Variants in SLC24A2 observed in about 807,000 individuals in gnomAD.
SLC24A2 encodes the protein sodium/potassium/calcium exchanger 2.
Under a neutral mutation model 62.0 loss-of-function variants are expected in SLC24A2, and 36 were observed. The ratio of observed to expected loss-of-function variants is 0.58; its 90% CI spans 0.44 to 0.77. The LOEUF is 0.77. SLC24A2 is among the 30% of genes least tolerant of loss of function. The pLI, the probability that SLC24A2 is intolerant of heterozygous loss-of-function variation, is 0.00. For synonymous variants in SLC24A2, 358 were observed against 294.0 expected, an observed-to-expected ratio of 1.22 and a Z score of -2.23; for missense variants, 846 against 817.9, an observed-to-expected ratio of 1.03 and a Z score of -0.42.
At chr9:20,015,681 C>T in the SLC24A2 span, among the ~76,000 whole-genome samples, 13 of 152,236 alleles carry the variant, frequency 8.5e-5, no homozygotes, top group African/African-American at 2.7e-4. Flanking sequence ...TCGTTCCCCA[C>T]CCACTTTCTG....
chr9:20,234,168 T>C, the SLC24A2 span, among the ~76,000 whole-genome samples: 1 of 152,216 alleles, frequency 6.6e-6, no homozygotes, highest in African/African-American at 2.4e-5. Context: ...CATTTTTTCC[T>C]TCATTTCAAC....
intron 2 of SLC24A2, among the ~76,000 whole-genome samples, chr9:19,660,297 G>C (rs1819058843): frequency 6.6e-6 from 1 of 152,146 alleles, no homozygotes; most frequent in African/African-American, 2.4e-5. Flanking sequence ...GAAGGGGCGG[G>C]AGGCTCTAAG....
the SLC24A2 span, among the ~76,000 whole-genome samples, chr9:19,982,752 T>C: frequency 6.6e-6 from 1 of 152,158 alleles, no homozygotes; most frequent in Admixed American, 6.5e-5. Context: ...ATATCCCTTA[T>C]GATTATAGAA....
the SLC24A2 span, among the ~76,000 whole-genome samples, chr9:20,016,898 C>T: frequency 1.3e-5 from 2 of 152,144 alleles, no homozygotes; most frequent in African/African-American, 2.4e-5. Context: ...GTAATTTTTA[C>T]AATGAATATA....
rs1423903949 is a variant in SLC24A2, at chr9:19,510,027, T to C, written c.*6126A>G. On this transcript the variant is annotated 3_prime_UTR_variant, in exon 11 of 11. Transcript: ENST00000341998. ...TCATATTTAAAATAAAAATATTGAT[T>C]CCTCTTGATAAATTAGTGGGTAAGT... 2.6e-5 allele frequency: 4 copies of C among 152,188 alleles called. No homozygotes were observed. The highest frequency in any genetic ancestry group is 5.9e-5 in the Non-Finnish European group (4 of 68,030). The allele number at this position is 152,188 out of a possible 1,614,324, so 9.4% of individuals were successfully genotyped here. A position where few individuals can be genotyped will look rare whatever the true frequency, so the allele number is the denominator to read the frequency against.
the SLC24A2 span, among the ~76,000 whole-genome samples, chr9:19,833,980 T>C: frequency 0.79 from 119,565 of 152,178 alleles, 50,202 homozygotes; most frequent in Non-Finnish European, 0.94. Context: ...TGGAGTGGAC[T>C]GCCAGTAAAC....
intron 7 of SLC24A2, among the ~76,000 whole-genome samples, chr9:19,565,890 A>G (rs10120264): frequency 0.92 from 138,289 of 149,946 alleles, 63,920 homozygotes; most frequent in East Asian, 1. Flanking sequence ...AATAAATGGT[A>G]CTGGGAAAAC....
At chr9:20,076,015 A>G in the SLC24A2 span, among the ~76,000 whole-genome samples, 1 of 152,236 alleles carries the variant, frequency 6.6e-6, no homozygotes, top group African/African-American at 2.4e-5. Context: ...ATGCCATGTA[A>G]ATAGTTGTTA....
the SLC24A2 span, among the ~76,000 whole-genome samples, chr9:19,831,376 T>A: frequency 6.6e-6 from 1 of 152,182 alleles, no homozygotes. Flanking sequence ...TATAGCTCTT[T>A]TAAAATTCCC....
the SLC24A2 span, among the ~76,000 whole-genome samples, chr9:19,961,023 G>GGTGGGTGT: frequency 2.1e-5 from 3 of 141,618 alleles, no homozygotes; most frequent in Non-Finnish European, 3.1e-5. Flanking sequence ...TAGAGGGGTG[G>GGTGGGTGT]GTGTGTGTGT....
At chr9:19,871,993 G>A in the SLC24A2 span, among the ~76,000 whole-genome samples, 6 of 151,884 alleles carry the variant, frequency 4.0e-5, no homozygotes, top group African/African-American at 1.5e-4. Flanking sequence ...ATAGTCCTGT[G>A]GTTGTTATAT....
the SLC24A2 span, among the ~76,000 whole-genome samples, chr9:19,828,950 G>T: frequency 6.6e-6 from 1 of 152,106 alleles, no homozygotes; most frequent in African/African-American, 2.4e-5. Context: ...TCTCCCTCCA[G>T]ATCCCTAATG....
chr9:19,752,024 T>A (rs1462722313), intron 2 of SLC24A2, among the ~76,000 whole-genome samples: 1 of 152,170 alleles, frequency 6.6e-6, no homozygotes, highest in East Asian at 1.9e-4. Flanking sequence ...GAATGTACAA[T>A]GTGGTAGCCA....
At chr9:19,525,675 A>C (rs1220944995) in intron 9 of SLC24A2, among the ~76,000 whole-genome samples, 1 of 151,214 alleles carries the variant, frequency 6.6e-6, no homozygotes. Flanking sequence ...AAGTGCTGGG[A>C]CTACAGGCAT....
chr9:19,675,742 G>C (rs774639531), intron 2 of SLC24A2, among the ~76,000 whole-genome samples: 2 of 152,090 alleles, frequency 1.3e-5, no homozygotes, highest in Non-Finnish European at 2.9e-5. Flanking sequence ...TCAGCCAGCC[G>C]GTGAGCAGGG....
chr9:20,061,748 G>C, the SLC24A2 span, among the ~76,000 whole-genome samples: 1 of 152,118 alleles, frequency 6.6e-6, no homozygotes, highest in African/African-American at 2.4e-5. Flanking sequence ...AGAAAATACA[G>C]GAGAAGATTT....
the SLC24A2 span, among the ~76,000 whole-genome samples, chr9:20,123,431 A>T: frequency 6.6e-6 from 1 of 152,226 alleles, no homozygotes; most frequent in Non-Finnish European, 1.5e-5. Flanking sequence ...CTACTTTTCA[A>T]ATGACAAAGC....
At chr9:20,286,966 A>G in the SLC24A2 span, among the ~76,000 whole-genome samples, 1 of 152,210 alleles carries the variant, frequency 6.6e-6, no homozygotes, top group Non-Finnish European at 1.5e-5. Context: ...TTTGCTTCAG[A>G]AACACTAAAG....
At chr9:20,253,932 G>C in the SLC24A2 span, among the ~76,000 whole-genome samples, 1 of 152,160 alleles carries the variant, frequency 6.6e-6, no homozygotes, top group African/African-American at 2.4e-5. Flanking sequence ...AATGTGGCTT[G>C]GGGTTGGTAA....
Sources: allele counts gnomAD v4.1 joint callset (sites outside exome capture counted in the v4.1 genomes callset), GRCh38; gene constraint gnomAD v4.1.1; transcripts MANE v1.5; gene names NCBI Gene and HGNC (gene_info 2026-07-23, HGNC 2026-07-21).